LRCH3: variants seen among roughly 807,000 people sequenced by gnomAD.
The protein encoded by LRCH3 is leucine rich repeats and calponin homology domain containing 3.
LRCH3 carries 68 observed loss-of-function variants against 104.5 expected under a neutral mutation model. The ratio of observed to expected loss-of-function variants is 0.65; its 90% CI spans 0.54 to 0.80. The LOEUF (loss-of-function observed/expected upper bound fraction) is 0.80. LRCH3 is among the 30% of genes least tolerant of loss of function. LRCH3 has a pLI of 0.00. For missense variants in LRCH3, 951 were observed against 953.9 expected, an observed-to-expected ratio of 1.00 and a Z score of 0.04; for synonymous variants, 344 against 361.3, an observed-to-expected ratio of 0.95 and a Z score of 0.54.
At chr3:197,809,957 G>A (rs1205370636) in intron 1 of LRCH3, among the ~76,000 whole-genome samples, 1 of 152,014 alleles carries the variant, frequency 6.6e-6, no homozygotes, top group African/African-American at 2.4e-5. Context: ...GCATTTTGGG[G>A]ATTATAAGAG....
intron 20 of LRCH3, among the ~76,000 whole-genome samples, chr3:197,879,527 T>A (rs368099020): frequency 2.6e-5 from 4 of 151,470 alleles, no homozygotes; most frequent in African/African-American, 4.9e-5. Context: ...GCGCCTGTAG[T>A]CCCAGCTGCT....
chr3:197,860,694 TATATC>T (rs991583509), intron 15 of LRCH3, among the ~76,000 whole-genome samples: 8 of 152,122 alleles, frequency 5.3e-5, no homozygotes, highest in African/African-American at 1.9e-4. Context: ...GCATAATAAT[TATATC>T]AGGTAAATGG....
At chr3:197,880,429 A>G (rs968604639) in intron 20 of LRCH3, 2 of 1,022,890 alleles carry the variant, frequency 2.0e-6, no homozygotes, top group African/African-American at 1.6e-5. Context: ...TGAGATGATC[A>G]TATGAATTCT....
rs529203427 is a variant in LRCH3 at position 197,855,758 on chromosome 3, C to T, written c.1644+1313C>T. Among the ~76,000 whole-genome samples, 10 of 152,318 alleles carry T rather than the reference C, an allele frequency of 6.6e-5. No individual in the cohort carries two copies. The South Asian group carries it at 1.0e-3, about 16-fold the overall frequency. On this transcript the variant is annotated intron_variant, in intron 14 of 20. Coordinates refer to ENST00000425562, the MANE Select transcript of LRCH3 (RefSeq NM_001365715.1). ...TTAGTGCGTAACTTGAAATTCCCTT[C>T]GGCCGTTTGTCAAAACACACTCACT...
At chr3:197,853,189 T>C (rs1000062099) in intron 13 of LRCH3, among the ~76,000 whole-genome samples, 26 of 152,112 alleles carry the variant, frequency 1.7e-4, no homozygotes, top group Non-Finnish European at 2.9e-5. Context: ...GTTTTTTCTT[T>C]TTCTTTTTCT....
intron 4 of LRCH3, among the ~76,000 whole-genome samples, chr3:197,821,340 A>G (rs541522787): frequency 6.6e-6 from 1 of 152,326 alleles, no homozygotes; most frequent in African/African-American, 2.4e-5. Context: ...TTAAACATTA[A>G]TGAAGTCTAG....
intron 1 of LRCH3, among the ~76,000 whole-genome samples, chr3:197,794,123 G>C (rs1173373957): frequency 6.6e-6 from 1 of 151,862 alleles, no homozygotes; most frequent in African/African-American, 2.4e-5. Flanking sequence ...TTTGGCCCAG[G>C]TTATAGCTAT....
At chr3:197,815,910 T>G (rs1733742543) in intron 2 of LRCH3, among the ~76,000 whole-genome samples, 2 of 152,226 alleles carry the variant, frequency 1.3e-5, no homozygotes, top group Admixed American at 6.5e-5. Flanking sequence ...TTTCCAGGCT[T>G]TTAGTCAAAT....
Position 197,841,846 on chromosome 3 carries a change from G to GTTTTGTTTTGTTTTC in LRCH3, c.1328+2455_1328+2456insTTTGTTTTCTTTTGT, listed in dbSNP as rs1553921573. On this transcript the variant is annotated intron_variant, in intron 10 of 20. Transcript: ENST00000425562. ...GTTTTGTTTTGTTTTGTTTTGTTTT[G>GTTTTGTTTTGTTTTC]TTTTGTGACAGGGTCTTGCTCTATT... Among the ~76,000 whole-genome samples, 798 of 147,164 alleles carry GTTTTGTTTTGTTTTC rather than the reference G, an allele frequency of 5.4e-3. 25 individuals are homozygous for GTTTTGTTTTGTTTTC. The highest frequency in any genetic ancestry group is 0.02 in the African/African-American group (770 of 39,268).
At position 197,848,061 on chromosome 3, in the gene LRCH3, C is replaced by A. The variant is rs374055136; in HGVS notation, c.1530+40C>A. Reference sequence around the variant, plus strand: ...TGATGCTGTTCAAGCTGCTGACTGGCTAAGTGCTTATTTGTTTGGTCAGGC... The same window carrying A: ...TGATGCTGTTCAAGCTGCTGACTGGATAAGTGCTTATTTGTTTGGTCAGGC... On this transcript the variant is annotated intron_variant, in intron 12 of 20. Transcript: ENST00000425562. The A allele has an allele frequency of 7.0e-5, 113 of 1,607,960 alleles. No homozygotes were observed. In the African/African-American group the frequency reaches 1.1e-3, roughly 16 times the overall value.
At chr3:197,836,954 A>ACCCAGC (rs1388729072) in intron 9 of LRCH3, among the ~76,000 whole-genome samples, 8 of 152,184 alleles carry the variant, frequency 5.3e-5, no homozygotes, top group Non-Finnish European at 8.8e-5. Flanking sequence ...CTGGGATTAC[A>ACCCAGC]GGTGTGAGCC....
Position 197,817,360 on chromosome 3 carries a change from G to GTGTA in LRCH3, c.534+59_534+60insGTAT. The GTGTA allele has an allele frequency of 4.7e-4, 42 of 89,942 alleles. No homozygotes were observed. The East Asian group carries it at 5.5e-3, about 12-fold the overall frequency. 5.6% of individuals were successfully genotyped at this position (89,942 alleles called of 1,614,324 possible). A position where few individuals can be genotyped will look rare whatever the true frequency, so the allele number is the denominator to read the frequency against. On this transcript the variant is annotated intron_variant, in intron 3 of 20. Coordinates refer to ENST00000425562, the MANE Select transcript of LRCH3 (RefSeq NM_001365715.1). The stretch of plus-strand genomic sequence containing the variant: ...TGTGTGTGTGTCTGTGTGTGTGTGT[G>GTGTA]TATATATATATATATATATGAAACC...
rs1714363453 is a variant in LRCH3 at position 197,887,890 on chromosome 3, C to T, written c.*4224C>T. 1 of 153,678 alleles carries T rather than the reference C, an allele frequency of 6.5e-6. No individual in the cohort carries two copies. The highest frequency in any genetic ancestry group is 1.5e-5 in the Non-Finnish European group (1 of 68,702). 9.5% of individuals were successfully genotyped at this position (153,678 alleles called of 1,614,324 possible). On this transcript the variant is annotated 3_prime_UTR_variant, in exon 21 of 21. Transcript: ENST00000425562. ...TACAGAGATTTTCTGTCAGCAGTTT[C>T]CCAGTATTTCAGACTCATAATCTGT...
intron 1 of LRCH3, among the ~76,000 whole-genome samples, chr3:197,807,423 G>A (rs570259693): frequency 1.9e-4 from 29 of 151,904 alleles, no homozygotes; most frequent in Admixed American, 1.5e-3. Flanking sequence ...GGGTTTCACC[G>A]GGTTAGCCAG....
At chr3:197,813,253 A>G (rs679495) in intron 1 of LRCH3, among the ~76,000 whole-genome samples, 130,451 of 152,168 alleles carry the variant, frequency 0.86, 56,021 homozygotes, top group East Asian at 1. Flanking sequence ...TACTCTTTTA[A>G]TTATTTCAAA....
chr3:197,828,111 A>G (rs1056359696), intron 5 of LRCH3, among the ~76,000 whole-genome samples: 7 of 152,060 alleles, frequency 4.6e-5, no homozygotes, highest in Non-Finnish European at 8.8e-5. Flanking sequence ...ACAGATAAAA[A>G]TACTCAGCTT....
chr3:197,870,966 A>G (rs1357092028), intron 18 of LRCH3, among the ~76,000 whole-genome samples: 1 of 152,218 alleles, frequency 6.6e-6, no homozygotes, highest in Non-Finnish European at 1.5e-5. Flanking sequence ...TGTTATAAAG[A>G]AATATTGTCA....
intron 1 of LRCH3, among the ~76,000 whole-genome samples, chr3:197,799,521 C>T (rs1731632339): frequency 6.6e-6 from 1 of 152,150 alleles, no homozygotes; most frequent in Non-Finnish European, 1.5e-5. Context: ...TGGATTTAAA[C>T]TGGTTTAACT....
rs11420466 is a variant in LRCH3, at chr3:197,792,577, TTATATA to T, written c.262+1060_262+1065del. Reference sequence around the variant, plus strand: ...CAGCCGCCACCACGCCCAGCTAATTTTATATATATATATATATATATATATATAAAA... The same window carrying T: ...CAGCCGCCACCACGCCCAGCTAATTTTATATATATATATATATATATAAAA... On this transcript the variant is annotated intron_variant, in intron 1 of 20. Coordinates refer to ENST00000425562, the MANE Select transcript of LRCH3 (RefSeq NM_001365715.1). Among the ~76,000 whole-genome samples, 100 of 20,342 alleles carry T rather than the reference TTATATA, an allele frequency of 4.9e-3. 13 individuals carry two copies. Among genetic ancestry groups the T allele is most frequent in the East Asian group, 0.019 (7 of 374 alleles). The allele number at this position is 20,342 out of a possible 152,430, so 13.3% of individuals were successfully genotyped here.
Sources: allele counts gnomAD v4.1 joint callset (sites outside exome capture counted in the v4.1 genomes callset), GRCh38; gene constraint gnomAD v4.1.1; transcripts MANE v1.5; gene names NCBI Gene and HGNC (gene_info 2026-07-23, HGNC 2026-07-21).